Variants in ATRNL1 observed in about 807,000 individuals in gnomAD.
The protein encoded by ATRNL1 is attractin-like protein 1.
In ATRNL1, 95 loss-of-function variants were observed where a neutral mutation model predicts 182.7. The observed-to-expected ratio is 0.52, with a 90% CI of 0.44 to 0.62. The LOEUF is 0.62. Among genes scored for constraint, ATRNL1 ranks in the 20% least tolerant of loss-of-function variants. The pLI is 0.00. For synonymous variants in ATRNL1, 576 were observed against 568.3 expected (o/e 1.01, Z -0.19); for missense variants, 1,471 against 1,679.5 (o/e 0.88, Z 2.17).
intron 21 of ATRNL1, among the ~76,000 whole-genome samples, chr10:115,442,975 A>C (rs1347346493): frequency 6.6e-6 from 1 of 152,058 alleles, no homozygotes; most frequent in Non-Finnish European, 1.5e-5. Flanking sequence ...TTTATGACCT[A>C]AAATAGATTT....
At chr10:115,778,701 C>T (rs1284446527) in intron 27 of ATRNL1, among the ~76,000 whole-genome samples, 3 of 152,134 alleles carry the variant, frequency 2.0e-5, no homozygotes, top group Admixed American at 6.5e-5. Flanking sequence ...ATTCTGTTGG[C>T]AACAGGAAGA....
chr10:115,630,685 TTATA>T (rs1449310523), intron 26 of ATRNL1, among the ~76,000 whole-genome samples: 2 of 148,230 alleles, frequency 1.3e-5, no homozygotes, highest in African/African-American at 4.9e-5. Flanking sequence ...AATTTAGTAT[TTATA>T]TATGTATATT....
intron 27 of ATRNL1, among the ~76,000 whole-genome samples, chr10:115,793,328 G>A (rs1202649211): frequency 1.3e-5 from 2 of 152,044 alleles, no homozygotes; most frequent in East Asian, 1.9e-4. Context: ...AGAATTTTAT[G>A]TAGTCTCTCA....
At chr10:115,354,778 A>G (rs569405307) in intron 19 of ATRNL1, among the ~76,000 whole-genome samples, 7 of 151,864 alleles carry the variant, frequency 4.6e-5, no homozygotes, top group African/African-American at 1.4e-4. Flanking sequence ...TAAACTTTCT[A>G]CCCCGGTCTT....
At chr10:115,205,257 C>G (rs943633954) in intron 8 of ATRNL1, among the ~76,000 whole-genome samples, 1 of 151,776 alleles carries the variant, frequency 6.6e-6, no homozygotes, top group African/African-American at 2.4e-5. Context: ...ACATTTTAGT[C>G]TCTTTGATAG....
At chr10:115,694,350 G>T (rs1296620352) in intron 26 of ATRNL1, among the ~76,000 whole-genome samples, 1 of 152,088 alleles carries the variant, frequency 6.6e-6, no homozygotes, top group East Asian at 1.9e-4. Flanking sequence ...ATAAAAGCAT[G>T]TTCTGAATAG....
At chr10:115,427,263 T>C (rs2134398715) in intron 21 of ATRNL1, among the ~76,000 whole-genome samples, 1 of 152,336 alleles carries the variant, frequency 6.6e-6, no homozygotes, top group Non-Finnish European at 1.5e-5. Flanking sequence ...TTGCCATCTG[T>C]ATATTTTATT....
intron 26 of ATRNL1, among the ~76,000 whole-genome samples, chr10:115,588,270 A>G (rs975381300): frequency 1.3e-5 from 2 of 152,258 alleles, no homozygotes; most frequent in African/African-American, 4.8e-5. Context: ...TGATTTATGT[A>G]TGGACTACAT....
chr10:115,458,679 A>T (rs1847647179), intron 21 of ATRNL1, among the ~76,000 whole-genome samples: 1 of 152,084 alleles, frequency 6.6e-6, no homozygotes, highest in South Asian at 2.1e-4. Context: ...TACAGCCTTT[A>T]CTCAGGACTG....
At chr10:115,670,799 G>T (rs1390879017) in intron 26 of ATRNL1, among the ~76,000 whole-genome samples, 1 of 152,072 alleles carries the variant, frequency 6.6e-6, no homozygotes, top group Non-Finnish European at 1.5e-5. Context: ...TCAGGTCAAG[G>T]TCACTGCCAT....
chr10:115,576,936 C>T (rs1026063824), intron 26 of ATRNL1, among the ~76,000 whole-genome samples: 6 of 151,456 alleles, frequency 4.0e-5, no homozygotes, highest in Non-Finnish European at 5.9e-5. Context: ...TGGGCATTTT[C>T]ATTTCTTTTC....
intron 24 of ATRNL1, among the ~76,000 whole-genome samples, chr10:115,500,920 C>CTTTTTTTTTTTTT (rs71010023): frequency 3.7e-5 from 2 of 54,434 alleles, no homozygotes; most frequent in Non-Finnish European, 6.4e-5. Flanking sequence ...TCAGGTAAGA[C>CTTTTTTTTTTTTT]TTTTTTTTTT....
At chr10:115,438,965 A>C (rs1414266144) in intron 21 of ATRNL1, among the ~76,000 whole-genome samples, 1 of 151,986 alleles carries the variant, frequency 6.6e-6, no homozygotes, top group Non-Finnish European at 1.5e-5. Flanking sequence ...AACTACTAAT[A>C]GGATACTGTT....
chr10:115,483,737 A>T (rs1848881805), intron 24 of ATRNL1, among the ~76,000 whole-genome samples: 1 of 151,668 alleles, frequency 6.6e-6, no homozygotes. Context: ...AATGTGATTA[A>T]ATGTGAGTGT....
chr10:115,848,372 A>G (rs1291627277), intron 28 of ATRNL1, among the ~76,000 whole-genome samples: 1 of 152,188 alleles, frequency 6.6e-6, no homozygotes, highest in Non-Finnish European at 1.5e-5. Context: ...AATTATAAAT[A>G]TGATTAGAAA....
chr10:115,243,304 T>C lies in ATRNL1; in HGVS notation c.1687+1579T>C, dbSNP rs143573792. ...GAAGATTATGATATATCAAGTTTTA[T>C]GTGTCAAAAAACTTAAGTGAAAAAA... is the stretch of plus-strand genomic sequence containing the variant. On this transcript the variant is annotated intron_variant, in intron 10 of 28. Transcript: ENST00000355044. Among the ~76,000 whole-genome samples, 957 of 152,234 alleles carry C rather than the reference T, an allele frequency of 6.3e-3. 10 individuals carry two copies. Among genetic ancestry groups the C allele is most frequent in the African/African-American group, 0.022 (908 of 41,580 alleles).
intron 1 of ATRNL1, among the ~76,000 whole-genome samples, chr10:115,107,376 A>G (rs572564981): frequency 2.0e-5 from 3 of 152,342 alleles, no homozygotes; most frequent in East Asian, 3.9e-4. Context: ...ACCCAACAGA[A>G]CAAACAATGT....
chr10:115,913,461 A>C (rs1389296251), intron 28 of ATRNL1, among the ~76,000 whole-genome samples: 1 of 152,238 alleles, frequency 6.6e-6, no homozygotes, highest in Admixed American at 6.5e-5. Context: ...GTGCTTAACT[A>C]CTGTAAAGCC....
At chr10:115,236,634 CAG>C (rs1554901478) in intron 9 of ATRNL1, among the ~76,000 whole-genome samples, 1 of 152,062 alleles carries the variant, frequency 6.6e-6, no homozygotes, top group Admixed American at 6.6e-5. Context: ...GAGAAATGAG[CAG>C]AAAGTACAGA....
Sources: allele counts gnomAD v4.1 joint callset (sites outside exome capture counted in the v4.1 genomes callset), GRCh38; gene constraint gnomAD v4.1.1; transcripts MANE v1.5; gene names NCBI Gene and HGNC (gene_info 2026-07-23, HGNC 2026-07-21).